The following GSTO2 variants were observed in gnomAD, a reference collection of about 807,000 sequenced individuals.
GSTO2 encodes the protein glutathione S-transferase omega-2.
GSTO2 carries 23 observed loss-of-function variants against 28.4 expected under a neutral mutation model. That is an observed-to-expected ratio of 0.81 (90% CI 0.58 to 1.15). The LOEUF is 1.15. Among genes scored for constraint, GSTO2 ranks in the 50% most tolerant of loss-of-function variants. GSTO2 has a pLI of 0.00. For missense variants in GSTO2, 298 were observed against 297.8 expected (o/e 1.00, Z 0.00); for synonymous variants, 109 against 111.0 (o/e 0.98, Z 0.11).
chr10:104,303,064 T>G lies in GSTO2; in HGVS notation c.*3780T>G, dbSNP rs2013306192. The G allele has an allele frequency of 6.6e-6, 1 of 152,242 alleles. No homozygotes were observed. The highest frequency in any genetic ancestry group is 2.1e-4 in the South Asian group (1 of 4,838). 9.4% of individuals were successfully genotyped at this position (152,242 alleles called of 1,614,324 possible). A position where few individuals can be genotyped will look rare whatever the true frequency, so the allele number is the denominator to read the frequency against. On this transcript the variant is annotated 3_prime_UTR_variant, in exon 7 of 7. Coordinates refer to ENST00000338595, the MANE Select transcript of GSTO2 (RefSeq NM_183239.2). ...TATTTCATCACCTAGATATTAAGTC[T>G]AGTATCCATTAGTTATTTTTCCTGA... is the stretch of plus-strand genomic sequence containing the variant.
At position 104,279,412 on chromosome 10, in the gene GSTO2, G is replaced by A. The variant is rs566788114; in HGVS notation, c.409G>A (p.Gly137Arg). 1.2e-6 allele frequency: 2 copies of A among 1,613,984 alleles called. No individual in the cohort carries two copies. The highest frequency in any genetic ancestry group is 2.7e-5 in the African/African-American group (2 of 74,936). The change falls in exon 5 of 7, where the codon GGG (glycine) becomes AGG (arginine). Residue 137 changes from glycine to arginine, a missense_variant. Physicochemically the swap from Gly to Arg is moderately radical, Grantham distance 125. Coordinates refer to ENST00000338595, the MANE Select transcript of GSTO2 (RefSeq NM_183239.2). ...TKECLVALRCGRECTNLKAAL... is the reference protein window; with the variant it reads ...TKECLVALRCRRECTNLKAAL... ...GGAGTGCCTGGTAGCGTTGAGATGT[G>A]GGAGAGAATGCACTAATCTGAAGGC...
chr10:104,289,574 A>T (rs143820611), intron 5 of GSTO2, among the ~76,000 whole-genome samples: 29 of 152,272 alleles, frequency 1.9e-4, no homozygotes, highest in African/African-American at 6.7e-4. Flanking sequence ...CCTCCCTCTA[A>T]GGCTCCTTCC....
chr10:104,286,082 T>G (rs751107324), intron 5 of GSTO2: 16 of 186,842 alleles, frequency 8.6e-5, no homozygotes, highest in Non-Finnish European at 1.5e-4. Flanking sequence ...CTAGCTATTT[T>G]TAATAAGTTA....
intron 1 of GSTO2, among the ~76,000 whole-genome samples, chr10:104,270,265 A>G (rs575047188): frequency 6.6e-6 from 1 of 152,146 alleles, no homozygotes; most frequent in Non-Finnish European, 1.5e-5. Flanking sequence ...CGCCCGCCTC[A>G]GCCTCCCAAA....
Position 104,303,569 on chromosome 10 carries a change from C to T in GSTO2, c.*4285C>T, listed in dbSNP as rs981893169. ...TATGTTAAGTTGGAACTTATATTTA[C>T]AGGGGAAGCAGAGCGTAAAAGTTTG... On this transcript the variant is annotated 3_prime_UTR_variant, in exon 7 of 7. Transcript: ENST00000338595. 5 of 152,180 alleles carry T rather than the reference C, an allele frequency of 3.3e-5. No homozygotes were observed. The highest frequency in any genetic ancestry group is 9.7e-5 in the African/African-American group (4 of 41,442). The allele number at this position is 152,180 out of a possible 1,614,324, so 9.4% of individuals were successfully genotyped here.
intron 1 of GSTO2, among the ~76,000 whole-genome samples, chr10:104,272,221 T>C (rs1264596342): frequency 1.3e-5 from 2 of 152,152 alleles, no homozygotes; most frequent in Non-Finnish European, 2.9e-5. Context: ...TCTAAAACTT[T>C]TTTTTAAAAA....
chr10:104,282,225 C>CAAAAAAAAAAAAAAAAAA, intron 5 of GSTO2, among the ~76,000 whole-genome samples: 1 of 88,952 alleles, frequency 1.1e-5, no homozygotes, highest in Non-Finnish European at 2.4e-5. Flanking sequence ...GACTCTGTTT[C>CAAAAAAAAAAAAAAAAAA]AAAAAAAAAA....
intron 5 of GSTO2, among the ~76,000 whole-genome samples, chr10:104,281,647 C>A (rs1430342677): frequency 6.6e-6 from 1 of 152,148 alleles, no homozygotes; most frequent in Non-Finnish European, 1.5e-5. Context: ...TTCAATCTTT[C>A]CAACAACCTT....
chr10:104,297,552 T>G, intron 5 of GSTO2, 26 bp from the exon 6 acceptor site: 1 of 1,432,424 alleles, frequency 7.0e-7, no homozygotes, highest in Non-Finnish European at 9.8e-7. Flanking sequence ...TAAACTTATT[T>G]GCTTTTGCTT....
At chr10:104,286,673 A>G (rs1444725595) in intron 5 of GSTO2, among the ~76,000 whole-genome samples, 1 of 152,178 alleles carries the variant, frequency 6.6e-6, no homozygotes, top group African/African-American at 2.4e-5. Context: ...TGCCTCGTTA[A>G]GTGTATTAGT....
intron 5 of GSTO2, chr10:104,296,538 C>T (rs936324484): frequency 1.3e-5 from 2 of 150,478 alleles, no homozygotes; most frequent in African/African-American, 4.9e-5. Context: ...TTGCTTGAGC[C>T]CGGGAGGTTG....
chr10:104,275,337 G>A lies in GSTO2; in HGVS notation c.143+3G>A, dbSNP rs2011580739. The A allele has an allele frequency of 4.3e-6, 7 of 1,613,630 alleles. No homozygotes were observed. The highest frequency in any genetic ancestry group is 5.9e-6 in the Non-Finnish European group (7 of 1,179,750). ...GTCCTCAAGGCCAAAGACATCAGGT[G>A]AGAAGCGGGAACCCAGAGCCCCCGA... is the stretch of plus-strand genomic sequence containing the variant. On this transcript the variant is annotated splice_donor_region_variant and intron_variant, in intron 3 of 6. Coordinates refer to ENST00000338595, the MANE Select transcript of GSTO2 (RefSeq NM_183239.2).
In GSTO2 at chr10:104,299,490, T is replaced by C. The variant is rs1298783802; in HGVS notation, c.*206T>C. ...CTACTGCTGCTTTTTTTTCCTTTTTTTTTTTGAGGCAAGATCTTGCTTCGT... is the reference window on the plus strand; with the variant it reads ...CTACTGCTGCTTTTTTTTCCTTTTTCTTTTTGAGGCAAGATCTTGCTTCGT... On this transcript the variant is annotated 3_prime_UTR_variant, in exon 7 of 7. Transcript: ENST00000338595. 1 of 561,146 alleles carries C rather than the reference T, an allele frequency of 1.8e-6. No individual in the cohort carries two copies. The highest frequency in any genetic ancestry group is 3.6e-5 in the Admixed American group (1 of 28,040). 34.8% of individuals were successfully genotyped at this position (561,146 alleles called of 1,614,324 possible).
intron 4 of GSTO2, among the ~76,000 whole-genome samples, chr10:104,278,508 G>A (rs2135100273): frequency 6.6e-6 from 1 of 152,272 alleles, no homozygotes; most frequent in South Asian, 2.1e-4. Context: ...TTGAGACGGA[G>A]TCTCGCTCTG....
intron 5 of GSTO2, among the ~76,000 whole-genome samples, chr10:104,283,944 C>T (rs1160774497): frequency 6.6e-6 from 1 of 151,790 alleles, no homozygotes. Flanking sequence ...AAACAGAAGG[C>T]TCAGTTAACC....
At chr10:104,275,744 T>G (rs778107136) in intron 3 of GSTO2, among the ~76,000 whole-genome samples, 7 of 152,164 alleles carry the variant, frequency 4.6e-5, no homozygotes, top group Non-Finnish European at 8.8e-5. Context: ...ATTTTCTTAT[T>G]TGTTCATCCA....
Position 104,300,836 on chromosome 10 carries a change from A to G in GSTO2, c.*1552A>G, listed in dbSNP as rs1277510162. The G allele has an allele frequency of 6.6e-6, 1 of 152,632 alleles. No individual in the cohort carries two copies. Among genetic ancestry groups the G allele is most frequent in the African/African-American group, 2.4e-5 (1 of 41,454 alleles). 9.5% of individuals were successfully genotyped at this position (152,632 alleles called of 1,614,324 possible). ...CCACCTCTGCCTCTGAGACAGCCCA[A>G]ATCAGCCCTCCTCTCTCCCCACGTC... is the stretch of plus-strand genomic sequence containing the variant. On this transcript the variant is annotated 3_prime_UTR_variant, in exon 7 of 7. Coordinates refer to ENST00000338595, the MANE Select transcript of GSTO2 (RefSeq NM_183239.2).
At chr10:104,281,346 C>T (rs1212597421) in intron 5 of GSTO2, among the ~76,000 whole-genome samples, 1 of 152,110 alleles carries the variant, frequency 6.6e-6, no homozygotes, top group Non-Finnish European at 1.5e-5. Flanking sequence ...GAATGGACCC[C>T]ATCATGCCTG....
intron 1 of GSTO2, among the ~76,000 whole-genome samples, chr10:104,274,091 G>A (rs542534201): frequency 7.2e-5 from 11 of 152,308 alleles, no homozygotes; most frequent in South Asian, 2.1e-4. Flanking sequence ...TGTGCAAGTC[G>A]CCCCTATATG....
Sources: allele counts gnomAD v4.1 joint callset (sites outside exome capture counted in the v4.1 genomes callset), GRCh38; gene constraint gnomAD v4.1.1; transcripts MANE v1.5; gene names NCBI Gene and HGNC (gene_info 2026-07-23, HGNC 2026-07-21).